FGF12: variants seen among roughly 807,000 people sequenced by gnomAD.
The protein encoded by FGF12 is fibroblast growth factor 12.
FGF12 carries 14 observed loss-of-function variants against 23.6 expected under a neutral mutation model. The observed-to-expected ratio is 0.59, with a 90% CI of 0.39 to 0.93. FGF12 has a LOEUF of 0.93. Ranked by LOEUF, FGF12 falls within the 40% of genes least tolerant of loss-of-function variation. The probability of loss-of-function intolerance (pLI) is 0.00; values close to 1 mark genes in which losing one functional copy is unlikely to be tolerated. For missense variants in FGF12, 175 were observed against 217.8 expected, an observed-to-expected ratio of 0.80 and a Z score of 1.24; for synonymous variants, 62 against 77.3, an observed-to-expected ratio of 0.80 and a Z score of 1.04.
intron 4 of FGF12, among the ~76,000 whole-genome samples, chr3:192,281,374 A>T (rs1221240729): frequency 6.6e-6 from 1 of 152,058 alleles, no homozygotes; most frequent in Non-Finnish European, 1.5e-5. Context: ...TAAGGACACT[A>T]GTCATTGGAT....
intron 4 of FGF12, among the ~76,000 whole-genome samples, chr3:192,209,157 G>T (rs1717802184): frequency 6.6e-6 from 1 of 152,150 alleles, no homozygotes; most frequent in Non-Finnish European, 1.5e-5. Context: ...CAGAAAAGCT[G>T]ATTTAAATGA....
At chr3:192,425,270 A>C (rs947981914) in intron 2 of FGF12, among the ~76,000 whole-genome samples, 4 of 152,174 alleles carry the variant, frequency 2.6e-5, no homozygotes, top group African/African-American at 9.7e-5. Context: ...AAGCAAACAC[A>C]AATGAAAGGT....
At chr3:192,270,831 G>C (rs539727755) in intron 4 of FGF12, among the ~76,000 whole-genome samples, 16 of 151,342 alleles carry the variant, frequency 1.1e-4, no homozygotes, top group African/African-American at 3.9e-4. Context: ...AAGGAAGGAA[G>C]GAAGGAAGAT....
chr3:192,307,584 T>G (rs1311024080), intron 4 of FGF12, among the ~76,000 whole-genome samples: 1 of 152,230 alleles, frequency 6.6e-6, no homozygotes, highest in Admixed American at 6.5e-5. Context: ...GCAGAATTTT[T>G]TTAAAACAAA....
Position 192,236,982 on chromosome 3 carries a change from G to A in FGF12, c.229-66326C>T, listed in dbSNP as rs546866568. On this transcript the variant is annotated intron_variant, in intron 4 of 5. Coordinates refer to ENST00000445105, the MANE Select transcript of FGF12 (RefSeq NM_004113.6). ...GTGGTGGCAGGTAATCATCTCCTGT[G>A]TTTATATTTAGCACTCTTTTAAGAA... is the stretch of plus-strand genomic sequence containing the variant. 9.2e-5 allele frequency among the ~76,000 whole-genome samples: 14 copies of A among 152,154 alleles called. No homozygotes were observed. In the East Asian group the frequency reaches 2.3e-3, roughly 25 times the overall value.
chr3:192,157,309 T>G (rs1390546926), intron 5 of FGF12, among the ~76,000 whole-genome samples: 1 of 152,188 alleles, frequency 6.6e-6, no homozygotes, highest in South Asian at 2.1e-4. Flanking sequence ...AATGCAACAC[T>G]TGGTCAGAAC....
At chr3:192,650,619 A>G (rs1716181228) in intron 2 of FGF12, among the ~76,000 whole-genome samples, 1 of 152,176 alleles carries the variant, frequency 6.6e-6, no homozygotes, top group Non-Finnish European at 1.5e-5. Flanking sequence ...GTTTCTTCCA[A>G]ACAAGACCTG....
chr3:192,676,693 T>C (rs1231313352), intron 2 of FGF12, among the ~76,000 whole-genome samples: 1 of 152,158 alleles, frequency 6.6e-6, no homozygotes, highest in Non-Finnish European at 1.5e-5. Flanking sequence ...TCCAGTATGA[T>C]TGGCATCCTC....
intron 2 of FGF12, among the ~76,000 whole-genome samples, chr3:192,506,628 T>C (rs1724308703): frequency 6.6e-6 from 1 of 152,160 alleles, no homozygotes; most frequent in Admixed American, 6.5e-5. Flanking sequence ...CACCTCAGTC[T>C]CCCAAAGTCC....
At chr3:192,448,452 C>T (rs1722426340) in intron 2 of FGF12, among the ~76,000 whole-genome samples, 1 of 152,140 alleles carries the variant, frequency 6.6e-6, no homozygotes, top group Non-Finnish European at 1.5e-5. Flanking sequence ...AAAAGAAAAA[C>T]ATCCCCCTGA....
chr3:192,262,475 G>C lies in FGF12; in HGVS notation c.228+72886C>G, dbSNP rs112912615. 8.5e-3 allele frequency among the ~76,000 whole-genome samples: 1,298 copies of C among 152,188 alleles called. 16 individuals are homozygous for C. The highest frequency in any genetic ancestry group is 0.03 in the African/African-American group (1,252 of 41,528). ...TATATATAGTTGTGTGCCACATAAC[G>C]ATGTTTTGGTCAACAATGTACTACA... is the stretch of plus-strand genomic sequence containing the variant. On this transcript the variant is annotated intron_variant, in intron 4 of 5. Transcript: ENST00000445105.
chr3:192,299,149 G>A (rs1715204691), intron 4 of FGF12, among the ~76,000 whole-genome samples: 1 of 152,212 alleles, frequency 6.6e-6, no homozygotes, highest in African/African-American at 2.4e-5. Flanking sequence ...CACAAAAGAT[G>A]TAGTTTTACT....
chr3:192,173,517 G>A (rs893301293), intron 4 of FGF12, among the ~76,000 whole-genome samples: 2 of 139,172 alleles, frequency 1.4e-5, no homozygotes, highest in Non-Finnish European at 3.3e-5. Flanking sequence ...ATAATATTAA[G>A]TTCTGTTTTT....
At chr3:192,538,031 C>A (rs1725271833) in intron 2 of FGF12, among the ~76,000 whole-genome samples, 2 of 148,722 alleles carry the variant, frequency 1.3e-5, no homozygotes, top group Admixed American at 1.4e-4. Context: ...ACTGCAACCT[C>A]CTACTCCCAG....
intron 2 of FGF12, among the ~76,000 whole-genome samples, chr3:192,473,167 A>C (rs1053643829): frequency 6.6e-6 from 1 of 152,230 alleles, no homozygotes; most frequent in Non-Finnish European, 1.5e-5. Flanking sequence ...GTTTGATTGA[A>C]ACAGGAAATA....
At chr3:192,153,298 C>A (rs558774942) in intron 5 of FGF12, among the ~76,000 whole-genome samples, 42 of 42,380 alleles carry the variant, frequency 9.9e-4, no homozygotes, top group East Asian at 2.6e-3. Flanking sequence ...TTAATTGGAG[C>A]ATTTAGTCCA....
chr3:192,462,307 T>C (rs1722888207), intron 2 of FGF12, among the ~76,000 whole-genome samples: 1 of 152,090 alleles, frequency 6.6e-6, no homozygotes, highest in Non-Finnish European at 1.5e-5. Flanking sequence ...AAATGGTGAG[T>C]GGGTCTTGAG....
intron 2 of FGF12, among the ~76,000 whole-genome samples, chr3:192,565,510 T>C (rs1449847800): frequency 6.6e-6 from 1 of 152,238 alleles, no homozygotes. Context: ...GTATCTTTTC[T>C]TTGTTTACAT....
At chr3:192,394,718 T>C (rs998011514) in intron 2 of FGF12, among the ~76,000 whole-genome samples, 10 of 152,220 alleles carry the variant, frequency 6.6e-5, no homozygotes, top group African/African-American at 2.4e-4. Context: ...AAAAACCTCT[T>C]TTATTTATAT....
Sources: gnomAD v4.1 joint callset for allele counts (sites outside exome capture counted in the v4.1 genomes callset) on GRCh38, gnomAD v4.1.1 for gene constraint, MANE v1.5 for transcripts, NCBI Gene and HGNC (gene_info 2026-07-23, HGNC 2026-07-21) for gene names.